The following NCKAP5 variants were observed in gnomAD, a reference collection of about 807,000 sequenced individuals.
The protein encoded by NCKAP5 is NCK associated protein 5.
A neutral mutation model predicts 167.0 loss-of-function variants in NCKAP5; 92 were observed. That is an observed-to-expected ratio of 0.55 (90% confidence interval 0.47 to 0.66). The LOEUF is 0.66. Ranked by LOEUF, NCKAP5 falls within the 30% of genes least tolerant of loss-of-function variation. The pLI, the probability that NCKAP5 is intolerant of heterozygous loss-of-function variation, is 0.00. For synonymous variants in NCKAP5, 891 were observed against 877.4 expected (o/e 1.02, Z -0.27); for missense variants, 2,378 against 2,315.0 (o/e 1.03, Z -0.56).
intron 2 of NCKAP5, among the ~76,000 whole-genome samples, chr2:133,539,814 A>G (rs1686072879): frequency 6.6e-6 from 1 of 152,242 alleles, no homozygotes; most frequent in Non-Finnish European, 1.5e-5. Context: ...TGAAAAGAGA[A>G]AATAGAATAA....
intron 4 of NCKAP5, among the ~76,000 whole-genome samples, chr2:133,215,249 C>G (rs1559277954): frequency 6.6e-6 from 1 of 151,906 alleles, no homozygotes; most frequent in African/African-American, 2.4e-5. Context: ...ATGAACAGAT[C>G]AAATAAGTTC....
At chr2:133,493,159 G>A (rs1681616846) in intron 3 of NCKAP5, among the ~76,000 whole-genome samples, 1 of 152,134 alleles carries the variant, frequency 6.6e-6, no homozygotes, top group Non-Finnish European at 1.5e-5. Flanking sequence ...TAACAGACTC[G>A]CTCAGCGACT....
intron 3 of NCKAP5, among the ~76,000 whole-genome samples, chr2:133,481,960 C>T (rs1032401794): frequency 6.6e-6 from 1 of 152,056 alleles, no homozygotes; most frequent in Admixed American, 6.6e-5. Flanking sequence ...ACACTTTAAC[C>T]CACTTCTCTT....
intron 5 of NCKAP5, among the ~76,000 whole-genome samples, chr2:133,194,779 C>T (rs1267112854): frequency 6.6e-6 from 1 of 150,958 alleles, no homozygotes; most frequent in Admixed American, 6.6e-5. Context: ...ATTCATATTC[C>T]TGCATTCACA....
At chr2:133,047,901 T>C (rs890661930) in intron 6 of NCKAP5, among the ~76,000 whole-genome samples, 4 of 152,168 alleles carry the variant, frequency 2.6e-5, no homozygotes, top group African/African-American at 9.6e-5. Context: ...ATATATAAAA[T>C]GAAGCCCCAC....
intron 8 of NCKAP5, among the ~76,000 whole-genome samples, chr2:132,956,162 G>C (rs2076337420): frequency 6.6e-6 from 1 of 152,144 alleles, no homozygotes. Context: ...ATTATTACAT[G>C]TTGTATTATC....
Position 132,997,580 on chromosome 2 carries a change from G to T in NCKAP5, c.342-3341C>A, listed in dbSNP as rs747766260. ...TAGATGGTTTGCTTAAGAGATCATG[G>T]TTAGTTGGATAGGGAGTTTGGATGA... On this transcript the variant is annotated intron_variant, in intron 6 of 19. Transcript: ENST00000409261. 2.6e-5 allele frequency among the ~76,000 whole-genome samples: 4 copies of T among 152,116 alleles called. No individual in the cohort carries two copies. The East Asian group carries it at 5.8e-4, about 22-fold the overall frequency.
chr2:133,180,693 A>G (rs2084693244), intron 5 of NCKAP5, among the ~76,000 whole-genome samples: 1 of 152,148 alleles, frequency 6.6e-6, no homozygotes, highest in Non-Finnish European at 1.5e-5. Flanking sequence ...GAAGTAACCA[A>G]CTCAAAACAG....
chr2:133,664,288 C>T, the NCKAP5 span, among the ~76,000 whole-genome samples: 1 of 152,090 alleles, frequency 6.6e-6, no homozygotes, highest in East Asian at 1.9e-4. Context: ...GTAGATTTAG[C>T]ATAATTCGTA....
intron 5 of NCKAP5, among the ~76,000 whole-genome samples, chr2:133,206,829 G>A (rs772514121): frequency 2.0e-5 from 3 of 152,066 alleles, no homozygotes; most frequent in Non-Finnish European, 2.9e-5. Context: ...ATGCATTCCT[G>A]GGGGTAGGTC....
intron 6 of NCKAP5, among the ~76,000 whole-genome samples, chr2:133,004,395 G>A (rs950036798): frequency 2.6e-5 from 4 of 152,150 alleles, no homozygotes; most frequent in Non-Finnish European, 5.9e-5. Flanking sequence ...TGGCCGCTCT[G>A]AGAAATAAAG....
At chr2:132,817,422 T>C (rs1686361456) in intron 11 of NCKAP5, among the ~76,000 whole-genome samples, 1 of 149,012 alleles carries the variant, frequency 6.7e-6, no homozygotes, top group South Asian at 2.1e-4. Context: ...GCTAAATTAG[T>C]TCCTCTAATA....
In NCKAP5 at chr2:133,384,268, T is replaced by C. The variant is rs1352347674; in HGVS notation, c.70-81158A>G. Among the ~76,000 whole-genome samples the C allele has an allele frequency of 4.6e-5, 7 of 152,374 alleles. No individual in the cohort carries two copies. In the East Asian group the frequency reaches 9.6e-4, roughly 21 times the overall value. ...AGGAAGGGATCCAGTTTCAGCTTTC[T>C]ACATATGGCTAGCCAGTTTTCCCAG... On this transcript the variant is annotated intron_variant, in intron 3 of 19. Transcript: ENST00000409261.
At chr2:133,391,687 G>A (rs995281550) in intron 3 of NCKAP5, among the ~76,000 whole-genome samples, 1 of 152,030 alleles carries the variant, frequency 6.6e-6, no homozygotes, top group African/African-American at 2.4e-5. Flanking sequence ...CCCTAATCCA[G>A]GCCCTCACCA....
chr2:133,427,986 G>A (rs1405033962), intron 3 of NCKAP5, among the ~76,000 whole-genome samples: 2 of 152,000 alleles, frequency 1.3e-5, no homozygotes, highest in African/African-American at 2.4e-5. Context: ...AGAAATAAAT[G>A]TATATTTGGA....
intron 6 of NCKAP5, among the ~76,000 whole-genome samples, chr2:133,054,420 TC>T (rs1325874764): frequency 6.6e-6 from 1 of 152,098 alleles, no homozygotes; most frequent in African/African-American, 2.4e-5. Flanking sequence ...TTAGAGAAGC[TC>T]TAATGTAGAG....
Position 133,306,295 on chromosome 2 carries a change from G to A in NCKAP5, c.70-3185C>T, listed in dbSNP as rs138832504. Among the ~76,000 whole-genome samples, 9 of 152,326 alleles carry A rather than the reference G, an allele frequency of 5.9e-5. No individual in the cohort carries two copies. In the South Asian group the frequency reaches 1.0e-3, roughly 18 times the overall value. On this transcript the variant is annotated intron_variant, in intron 3 of 19. Coordinates refer to ENST00000409261, the MANE Select transcript of NCKAP5 (RefSeq NM_207363.3). ...AGTATCCCAGCATGCCTGCAAAGGC[G>A]AAAGAAAAGGTCCAGAGAGATTTTT...
At chr2:132,704,365 A>G (rs1170210455) in intron 19 of NCKAP5, among the ~76,000 whole-genome samples, 1 of 152,058 alleles carries the variant, frequency 6.6e-6, no homozygotes, top group Non-Finnish European at 1.5e-5. Flanking sequence ...CATTCTTCCT[A>G]GCTCTTTGAC....
chr2:132,685,806 G>T (rs755787970), intron 19 of NCKAP5, among the ~76,000 whole-genome samples: 1 of 152,182 alleles, frequency 6.6e-6, no homozygotes, highest in Non-Finnish European at 1.5e-5. Flanking sequence ...TGCTTTGGCT[G>T]CCCTGGAGAA....
Sources: allele counts gnomAD v4.1 joint callset (sites outside exome capture counted in the v4.1 genomes callset), GRCh38; gene constraint gnomAD v4.1.1; transcripts MANE v1.5; gene names NCBI Gene and HGNC (gene_info 2026-07-23, HGNC 2026-07-21).